The following LHFPL3 variants were observed in gnomAD, a reference collection of about 807,000 sequenced individuals.
The protein encoded by LHFPL3 is LHFPL tetraspan subfamily member 3 protein.
In LHFPL3, 5 loss-of-function variants were observed where a neutral mutation model predicts 19.3. The ratio of observed to expected loss-of-function variants is 0.26; its 90% CI spans 0.14 to 0.54. LHFPL3 has a LOEUF of 0.54. Among genes scored for constraint, LHFPL3 ranks in the 20% least tolerant of loss-of-function variants. The pLI is 0.94. For synonymous variants in LHFPL3, 133 were observed against 126.2 expected (o/e 1.05, Z -0.36); for missense variants, 249 against 307.4 (o/e 0.81, Z 1.42).
chr7:104,882,240 T>C (rs1792072721), intron 2 of LHFPL3, among the ~76,000 whole-genome samples: 1 of 152,128 alleles, frequency 6.6e-6, no homozygotes, highest in Non-Finnish European at 1.5e-5. Flanking sequence ...TTCATTTATT[T>C]ATTTATTTAC....
chr7:104,525,502 A>C (rs914410298), intron 1 of LHFPL3, among the ~76,000 whole-genome samples: 2 of 152,166 alleles, frequency 1.3e-5, no homozygotes, highest in Admixed American at 1.3e-4. Flanking sequence ...GAGGTAATTC[A>C]CAAGATTAAA....
chr7:104,458,116 T>G (rs1281050492), intron 1 of LHFPL3, among the ~76,000 whole-genome samples: 3 of 151,820 alleles, frequency 2.0e-5, no homozygotes, highest in South Asian at 4.1e-4. Context: ...GCTCTTTAGT[T>G]TAATAAGATC....
intron 1 of LHFPL3, among the ~76,000 whole-genome samples, chr7:104,633,613 T>G (rs1791681592): frequency 6.6e-6 from 1 of 152,232 alleles, no homozygotes; most frequent in African/African-American, 2.4e-5. Flanking sequence ...TGATATCAGA[T>G]GTACTGTCCA....
rs77681230 is a variant in LHFPL3, at chr7:104,780,241, C to G, written c.682+43330C>G. The stretch of plus-strand genomic sequence containing the variant: ...CAGAAGCTTCCCAGGAACGAAGAAG[C>G]CTTGAAAGAAAGGGAGCCAGAGCAG... On this transcript the variant is annotated intron_variant, in intron 2 of 2. Coordinates refer to ENST00000424859, the MANE Select transcript of LHFPL3 (RefSeq NM_199000.3). 0.02 allele frequency among the ~76,000 whole-genome samples: 2,988 copies of G among 151,856 alleles called. 243 individuals are homozygous for G. The East Asian group carries it at 0.26, about 13-fold the overall frequency.
intron 1 of LHFPL3, among the ~76,000 whole-genome samples, chr7:104,611,260 A>G (rs1307059809): frequency 3.3e-5 from 5 of 152,230 alleles, no homozygotes; most frequent in Non-Finnish European, 7.3e-5. Flanking sequence ...AGGATACACT[A>G]TTGTTATCCC....
intron 1 of LHFPL3, among the ~76,000 whole-genome samples, chr7:104,585,478 CAA>C (rs1491287169): frequency 5.1e-4 from 67 of 131,692 alleles, no homozygotes; most frequent in South Asian, 1.3e-3. Context: ...GCAACACACA[CAA>C]ACACACACAC....
At chr7:104,659,107 G>T (rs1187283560) in intron 1 of LHFPL3, among the ~76,000 whole-genome samples, 1 of 152,176 alleles carries the variant, frequency 6.6e-6, no homozygotes, top group Non-Finnish European at 1.5e-5. Context: ...CCTTCCCACG[G>T]AACCCCCTTC....
intron 1 of LHFPL3, among the ~76,000 whole-genome samples, chr7:104,582,186 C>A (rs2115570746): frequency 6.6e-6 from 1 of 151,682 alleles, no homozygotes; most frequent in African/African-American, 2.4e-5. Context: ...AAATTTATTC[C>A]TTTTTTCAAG....
At chr7:104,859,968 T>C (rs919939426) in intron 2 of LHFPL3, among the ~76,000 whole-genome samples, 14 of 152,122 alleles carry the variant, frequency 9.2e-5, no homozygotes, top group Non-Finnish European at 1.5e-4. Flanking sequence ...CTCTGTACCT[T>C]CTGCTCAATT....
chr7:104,829,360 A>G (rs1200268543), intron 2 of LHFPL3, among the ~76,000 whole-genome samples: 2 of 151,668 alleles, frequency 1.3e-5, no homozygotes, highest in Non-Finnish European at 2.9e-5. Context: ...TTTAAGTTTT[A>G]GGGTACATGT....
intron 1 of LHFPL3, among the ~76,000 whole-genome samples, chr7:104,404,417 T>C (rs1314816658): frequency 1.3e-5 from 2 of 152,240 alleles, no homozygotes; most frequent in African/African-American, 2.4e-5. Context: ...GCTTATGCAA[T>C]TCAGTAGAGA....
chr7:104,551,465 CTT>C (rs1305239077), intron 1 of LHFPL3, among the ~76,000 whole-genome samples: 1 of 152,072 alleles, frequency 6.6e-6, no homozygotes, highest in Admixed American at 6.6e-5. Flanking sequence ...AACATGAACT[CTT>C]CCCTTTTTTT....
intron 1 of LHFPL3, among the ~76,000 whole-genome samples, chr7:104,677,719 G>T (rs1792619430): frequency 6.6e-6 from 1 of 152,236 alleles, no homozygotes; most frequent in South Asian, 2.1e-4. Context: ...GTAGCCACAT[G>T]TGGCTATCAA....
Position 104,553,888 on chromosome 7 carries a change from T to C in LHFPL3, c.446-182787T>C, listed in dbSNP as rs574253311. On this transcript the variant is annotated intron_variant, in intron 1 of 2. Transcript: ENST00000424859. ...TCTGGCTAGACTAGAGGCTCAGGTG[T>C]TGGCTGTGTGAATGTGAGTTATTGT... Among the ~76,000 whole-genome samples the C allele has an allele frequency of 5.3e-5, 8 of 152,312 alleles. No homozygotes were observed. In the East Asian group the frequency reaches 1.4e-3, roughly 26 times the overall value.
intron 1 of LHFPL3, among the ~76,000 whole-genome samples, chr7:104,558,121 T>TA (rs1789892871): frequency 6.6e-6 from 1 of 150,440 alleles, no homozygotes; most frequent in Admixed American, 6.6e-5. Flanking sequence ...CTATTGTGAA[T>TA]AATGCCGCAA....
chr7:104,444,514 AT>A (rs1211885183), intron 1 of LHFPL3, among the ~76,000 whole-genome samples: 1 of 152,188 alleles, frequency 6.6e-6, no homozygotes, highest in East Asian at 1.9e-4. Context: ...CTGCATCTCT[AT>A]TGTGTTGTTA....
At chr7:104,554,947 G>A (rs1191697212) in intron 1 of LHFPL3, among the ~76,000 whole-genome samples, 1 of 152,226 alleles carries the variant, frequency 6.6e-6, no homozygotes, top group Non-Finnish European at 1.5e-5. Flanking sequence ...TCAAGGGCAA[G>A]AGAAGATGGT....
At position 104,731,997 on chromosome 7, in the gene LHFPL3, T is replaced by G. The variant is rs534468449; in HGVS notation, c.446-4678T>G. ...TTGAGATAATCATGTGTTTTTTGTC[T>G]TTGGTTCTGTTTATATGATGGATTA... On this transcript the variant is annotated intron_variant, in intron 1 of 2. Coordinates refer to ENST00000424859, the MANE Select transcript of LHFPL3 (RefSeq NM_199000.3). Among the ~76,000 whole-genome samples the G allele has an allele frequency of 3.3e-5, 5 of 152,324 alleles. No homozygotes were observed. In the East Asian group the frequency reaches 9.6e-4, roughly 29 times the overall value.
intron 2 of LHFPL3, among the ~76,000 whole-genome samples, chr7:104,865,409 C>A (rs527670885): frequency 5.3e-5 from 8 of 152,068 alleles, no homozygotes; most frequent in African/African-American, 1.9e-4. Flanking sequence ...AACCAAGGCA[C>A]GAGAACTACA....
Sources: allele counts gnomAD v4.1 joint callset (sites outside exome capture counted in the v4.1 genomes callset), GRCh38; gene constraint gnomAD v4.1.1; transcripts MANE v1.5; gene names NCBI Gene and HGNC (gene_info 2026-07-23, HGNC 2026-07-21).